The following PCMTD1 variants were observed in gnomAD, a reference collection of about 807,000 sequenced individuals.
PCMTD1 encodes protein-L-isoaspartate (D-aspartate) O-methyltransferase domain containing 1.
PCMTD1 carries 12 observed loss-of-function variants against 37.6 expected under a neutral mutation model. The observed-to-expected ratio is 0.32, with a 90% CI of 0.20 to 0.52. PCMTD1 has a LOEUF of 0.52. Ranked by LOEUF, PCMTD1 falls within the 20% of genes least tolerant of loss-of-function variation. The pLI, the probability that PCMTD1 is intolerant of heterozygous loss-of-function variation, is 0.97. For synonymous variants in PCMTD1, 117 were observed against 135.8 expected (o/e 0.86, Z 0.96); for missense variants, 235 against 421.3 (o/e 0.56, Z 3.87).
intron 1 of PCMTD1, among the ~76,000 whole-genome samples, chr8:51,878,793 A>G (rs2038751206): frequency 1.3e-5 from 2 of 151,800 alleles, no homozygotes; most frequent in Admixed American, 1.3e-4. Flanking sequence ...AATGGAAGAG[A>G]AGGCTATTTT....
chr8:51,876,910 T>C (rs974794003), intron 1 of PCMTD1, among the ~76,000 whole-genome samples: 2 of 152,136 alleles, frequency 1.3e-5, no homozygotes, highest in African/African-American at 4.8e-5. Context: ...CTAAAACCAG[T>C]GTGTGAAAAT....
At chr8:51,844,388 A>G (rs903081462) in intron 3 of PCMTD1, among the ~76,000 whole-genome samples, 4 of 152,142 alleles carry the variant, frequency 2.6e-5, no homozygotes, top group Admixed American at 6.6e-5. Flanking sequence ...AATTCATTGA[A>G]CTACAGTAAA....
chr8:51,844,455 C>A (rs1463861237), intron 3 of PCMTD1, among the ~76,000 whole-genome samples: 1 of 152,130 alleles, frequency 6.6e-6, no homozygotes, highest in Non-Finnish European at 1.5e-5. Flanking sequence ...TTAACAGTTA[C>A]AATCACACCT....
intron 1 of PCMTD1, among the ~76,000 whole-genome samples, chr8:51,886,408 CT>C (rs1215335941): frequency 1.3e-5 from 2 of 152,316 alleles, no homozygotes; most frequent in African/African-American, 2.4e-5. Flanking sequence ...GTCAATACCC[CT>C]ATCAATTTTT....
At chr8:51,873,274 A>G (rs1375711431) in intron 1 of PCMTD1, among the ~76,000 whole-genome samples, 1 of 152,236 alleles carries the variant, frequency 6.6e-6, no homozygotes, top group Admixed American at 6.5e-5. Context: ...TTCCCATACA[A>G]TAAAGGGATA....
intron 2 of PCMTD1, chr8:51,850,167 C>T (rs1257078716): frequency 1.5e-6 from 1 of 687,460 alleles, no homozygotes; most frequent in Non-Finnish European, 2.6e-6. Context: ...GTTGTATAAT[C>T]TAAGACCAGT....
At chr8:51,888,376 T>C (rs1232491661) in intron 1 of PCMTD1, among the ~76,000 whole-genome samples, 1 of 152,186 alleles carries the variant, frequency 6.6e-6, no homozygotes, top group Admixed American at 6.5e-5. Context: ...GGTAAATGAC[T>C]TTTGTGTATC....
intron 1 of PCMTD1, among the ~76,000 whole-genome samples, chr8:51,889,802 T>C (rs2038911745): frequency 6.6e-6 from 1 of 152,090 alleles, no homozygotes; most frequent in Admixed American, 6.6e-5. Flanking sequence ...TCATTTATAT[T>C]AGATTCTATG....
chr8:51,861,206 G>T lies in PCMTD1; in HGVS notation c.-55C>A. On this transcript the variant is annotated 5_prime_UTR_variant, in exon 2 of 6. Coordinates refer to ENST00000522514, the MANE Select transcript of PCMTD1 (RefSeq NM_052937.4). ...AAAGTGAAATAAAATTAGTAGAAATGGCTTCCAATATTGCACTTGATTTCC... is the reference window on the plus strand; with the variant it reads ...AAAGTGAAATAAAATTAGTAGAAATTGCTTCCAATATTGCACTTGATTTCC... The T allele has an allele frequency of 6.6e-7, 1 of 1,507,940 alleles. No homozygotes were observed. The highest frequency in any genetic ancestry group is 2.3e-5 in the East Asian group (1 of 42,978). The allele number at this position is 1,507,940 out of a possible 1,614,324, so 93.4% of individuals were successfully genotyped here. A position where few individuals can be genotyped will look rare whatever the true frequency, so the allele number is the denominator to read the frequency against.
At chr8:51,898,113 T>C (rs940231792) in intron 1 of PCMTD1, among the ~76,000 whole-genome samples, 5 of 152,084 alleles carry the variant, frequency 3.3e-5, no homozygotes, top group Non-Finnish European at 7.4e-5. Flanking sequence ...AAAAAATAAA[T>C]AGGGGAAAAA....
chr8:51,875,647 T>C (rs139645737), intron 1 of PCMTD1, among the ~76,000 whole-genome samples: 3 of 152,260 alleles, frequency 2.0e-5, no homozygotes, highest in South Asian at 4.1e-4. Context: ...AAGGATCATA[T>C]AGTGTGGGTG....
intron 5 of PCMTD1, among the ~76,000 whole-genome samples, chr8:51,830,176 G>A (rs1051252834): frequency 5.3e-5 from 8 of 151,930 alleles, no homozygotes; most frequent in South Asian, 2.1e-4. Context: ...CCATTTTATC[G>A]CTAAATTGGT....
intron 2 of PCMTD1, among the ~76,000 whole-genome samples, chr8:51,846,804 C>T (rs573681670): frequency 1.1e-4 from 17 of 152,244 alleles, no homozygotes; most frequent in African/African-American, 3.6e-4. Context: ...TATGGTTTGC[C>T]ATCTAGGAAA....
At chr8:51,886,108 TTCTG>T (rs1266560759) in intron 1 of PCMTD1, among the ~76,000 whole-genome samples, 2 of 152,228 alleles carry the variant, frequency 1.3e-5, no homozygotes, top group Non-Finnish European at 2.9e-5. Context: ...GGACCTCAAC[TTCTG>T]TCTGCTTTTC....
Position 51,898,144 on chromosome 8 carries a change from T to C in PCMTD1, c.-96+786A>G, listed in dbSNP as rs541779339. ...AAAAACACTGCTAAAAGCATACTTT[T>C]TTCCTCCGTAGCAAATTCTTCTGAT... On this transcript the variant is annotated intron_variant, in intron 1 of 5. Transcript: ENST00000522514. 4.1e-5 allele frequency among the ~76,000 whole-genome samples: 6 copies of C among 147,352 alleles called. No homozygotes were observed. In the South Asian group the frequency reaches 1.3e-3, roughly 33 times the overall value.
At chr8:51,859,070 A>G (rs2038433891) in intron 2 of PCMTD1, among the ~76,000 whole-genome samples, 1 of 152,078 alleles carries the variant, frequency 6.6e-6, no homozygotes, top group Non-Finnish European at 1.5e-5. Context: ...CCCCATCCCA[A>G]GTTTGGCTAG....
intron 1 of PCMTD1, among the ~76,000 whole-genome samples, chr8:51,867,032 T>C (rs1585833121): frequency 6.6e-6 from 1 of 151,344 alleles, no homozygotes; most frequent in East Asian, 1.9e-4. Flanking sequence ...AATATGCCAA[T>C]CAAAAAACAA....
chr8:51,877,131 T>G (rs754848553), intron 1 of PCMTD1, among the ~76,000 whole-genome samples: 3 of 152,268 alleles, frequency 2.0e-5, no homozygotes, highest in African/African-American at 2.4e-5. Flanking sequence ...ATTTAATTTT[T>G]TTAGCAAGGT....
intron 1 of PCMTD1, among the ~76,000 whole-genome samples, chr8:51,875,905 A>G (rs2038704504): frequency 6.6e-6 from 1 of 152,058 alleles, no homozygotes; most frequent in Non-Finnish European, 1.5e-5. Context: ...GCACTCCAAC[A>G]TGGGTAACAG....
Sources: allele counts gnomAD v4.1 joint callset (sites outside exome capture counted in the v4.1 genomes callset), GRCh38; gene constraint gnomAD v4.1.1; transcripts MANE v1.5; gene names NCBI Gene and HGNC (gene_info 2026-07-23, HGNC 2026-07-21).